FXR2: variants seen among roughly 807,000 people sequenced by gnomAD.
FXR2 encodes RNA-binding protein FXR2.
FXR2 carries 9 observed loss-of-function variants against 87.3 expected under a neutral mutation model. That is an observed-to-expected ratio of 0.10 (90% CI 0.06 to 0.18). The LOEUF is 0.18. Among genes scored for constraint, FXR2 ranks in the 10% least tolerant of loss-of-function variants. FXR2 has a pLI of 1.00. For synonymous variants in FXR2, 331 were observed against 328.3 expected, an observed-to-expected ratio of 1.01 and a Z score of -0.09; for missense variants, 661 against 893.6, an observed-to-expected ratio of 0.74 and a Z score of 3.32.
chr17:7,592,513 G>T lies in FXR2; in HGVS notation c.1816C>A (p.Arg606Ser). Residue 606 changes from arginine to serine, a missense_variant, in exon 15 of 17, where the codon CGC (arginine) becomes AGC (serine). Arg to Ser is a moderately radical substitution (Grantham distance 110). This residue lies in a region of FXR2 where 409 missense variants were observed against 432.0 expected (regional missense o/e 0.95). Coordinates refer to ENST00000250113, the MANE Select transcript of FXR2 (RefSeq NM_004860.4). This position sits in a 1 kb window ranked among gnomAD's most constrained non-coding sequence, Gnocchi z 4.8. ...NRTDGSISGD[R>S]QPVTVADYIS... Reference sequence around the variant, plus strand: ...TCCAGAGTTGGCTGACCTGGCTGGCGGTCTCCACTGATAGAGCCATCAGTC... The same window carrying T: ...TCCAGAGTTGGCTGACCTGGCTGGCTGTCTCCACTGATAGAGCCATCAGTC... 2 of 1,613,784 alleles carry T rather than the reference G, an allele frequency of 1.2e-6. No individual in the cohort carries two copies. Among genetic ancestry groups the T allele is most frequent in the Non-Finnish European group, 1.7e-6 (2 of 1,179,696 alleles).
rs758498614 is a variant in FXR2, at chr17:7,594,027, G to A, written c.1021-23C>T. 1.7e-5 allele frequency: 24 copies of A among 1,452,114 alleles called. No homozygotes were observed. In the South Asian group the frequency reaches 2.4e-4, roughly 14 times the overall value. The allele number at this position is 1,452,114 out of a possible 1,614,324, so 90.0% of individuals were successfully genotyped here. On this transcript the variant is annotated intron_variant, in intron 10 of 16. Transcript: ENST00000250113. This position sits in a 1 kb window ranked among gnomAD's most constrained non-coding sequence, Gnocchi z 5.1. ...TCCCTAGAGAACAGAGAGCAGAAAC[G>A]ATGGATCAGAAAGGAAAATGAAATG...
At chr17:7,597,429 T>TCTA (rs2150942037) in intron 7 of FXR2, among the ~76,000 whole-genome samples, 1 of 151,906 alleles carries the variant, frequency 6.6e-6, no homozygotes, top group East Asian at 1.9e-4. Context: ...GGGGAAGAGA[T>TCTA]CTACAATGAC....
In FXR2 at chr17:7,592,809, G is replaced by T. The variant is rs560322755; in HGVS notation, c.1614C>A (p.Pro538=). 13 of 1,613,262 alleles carry T rather than the reference G, an allele frequency of 8.1e-6. No homozygotes were observed. The highest frequency in any genetic ancestry group is 3.3e-5 in the Admixed American group (2 of 59,908). The change falls in exon 14 of 17, where the codon CCC becomes CCA. Residue 538 remains proline, a synonymous_variant. Coordinates refer to ENST00000250113, the MANE Select transcript of FXR2 (RefSeq NM_004860.4). The surrounding 1 kb of genome is among the most constrained non-coding windows in gnomAD (Gnocchi z 4.8). ...GGCGGCGCCTGGCACTTGCTGGGGG[G>T]GGTTCCCCAGGTTCTGAATCAACCG... is the stretch of plus-strand genomic sequence containing the variant. ...EPPVDSEPGE[P]PPASARRRRS...
intron 1 of FXR2, chr17:7,614,214 A>G: frequency 1.5e-6 from 1 of 680,900 alleles, no homozygotes. Context: ...AATGGCCTGA[A>G]GTTCATTCTC....
rs768030074 is a variant in FXR2 at position 7,593,439 on chromosome 17, GGCCCCCATAGCT to G, written c.1282_1293del (p.Ser428_Gly431del). On this transcript the variant is annotated inframe_deletion, in exon 12 of 17. Coordinates refer to ENST00000250113, the MANE Select transcript of FXR2 (RefSeq NM_004860.4). This position sits in a 1 kb window ranked among gnomAD's most constrained non-coding sequence, Gnocchi z 6.1. ...CCGCCTGTCCTCCGGCCACGGCCAC[GGCCCCCATAGCT>G]GCCCCCATAGGTTCGAGTCGCATGG... 1.8e-5 allele frequency: 29 copies of G among 1,585,394 alleles called. No individual in the cohort carries two copies. In the East Asian group the frequency reaches 4.1e-4, roughly 23 times the overall value.
chr17:7,595,731 A>G lies in FXR2; in HGVS notation c.831+93T>C. 1 of 973,488 alleles carries G rather than the reference A, an allele frequency of 1.0e-6. No homozygotes were observed. The highest frequency in any genetic ancestry group is 1.6e-6 in the Non-Finnish European group (1 of 638,626). The allele number at this position is 973,488 out of a possible 1,614,324, so 60.3% of individuals were successfully genotyped here. A position where few individuals can be genotyped will look rare whatever the true frequency, so the allele number is the denominator to read the frequency against. On this transcript the variant is annotated intron_variant, in intron 8 of 16. Transcript: ENST00000250113. This position sits in a 1 kb window ranked among gnomAD's most constrained non-coding sequence, Gnocchi z 4.7. ...CGAAGGTGCTGGGATTACAGGTGTG[A>G]GCCACTGTGCCCAGTTTGAGGCTTA... is the stretch of plus-strand genomic sequence containing the variant.
rs1370993550 is a variant in FXR2 at position 7,592,522 on chromosome 17, T to C, written c.1807A>G (p.Ser603Gly). Residue 603 changes from serine (S) to glycine (G), a missense_variant, in exon 15 of 17, where the codon AGT becomes GGT. Transcript: ENST00000250113. This position sits in a 1 kb window ranked among gnomAD's most constrained non-coding sequence, Gnocchi z 4.8. ...NRGNRTDGSI[S>G]GDRQPVTVAD... The stretch of plus-strand genomic sequence containing the variant: ...GGCTGACCTGGCTGGCGGTCTCCAC[T>C]GATAGAGCCATCAGTCCGATTACCA... 3 of 1,613,866 alleles carry C rather than the reference T, an allele frequency of 1.9e-6. No individual in the cohort carries two copies. Among genetic ancestry groups the C allele is most frequent in the Non-Finnish European group, 2.5e-6 (3 of 1,179,852 alleles).
chr17:7,600,303 A>T (rs1040326925), intron 7 of FXR2, among the ~76,000 whole-genome samples: 1 of 151,992 alleles, frequency 6.6e-6, no homozygotes, highest in Non-Finnish European at 1.5e-5. Context: ...GGTTCAAGCG[A>T]TTCTCCTGCC....
At chr17:7,612,775 T>A (rs1324143744) in intron 1 of FXR2, among the ~76,000 whole-genome samples, 1 of 151,608 alleles carries the variant, frequency 6.6e-6, no homozygotes, top group Non-Finnish European at 1.5e-5. Context: ...AGCAGGTGGA[T>A]CACTAGGTCA....
At chr17:7,611,561 G>A (rs947356213) in intron 1 of FXR2, among the ~76,000 whole-genome samples, 2 of 152,076 alleles carry the variant, frequency 1.3e-5, no homozygotes, top group South Asian at 2.1e-4. Flanking sequence ...CCAGCTACTC[G>A]GGAGGCTGAG....
rs1043680071 is a variant in FXR2 at position 7,602,993 on chromosome 17, A to G, written c.459T>C (p.Asn153=). 1.3e-6 allele frequency: 2 copies of G among 1,565,390 alleles called. No individual in the cohort carries two copies. The highest frequency in any genetic ancestry group is 2.7e-5 in the African/African-American group (2 of 74,040). ...TCTTGAACTCTTTATGGACGTTTTC[A>G]TTGGAGCAGCTGCAGAGGAAAAAAG... is the stretch of plus-strand genomic sequence containing the variant. ...VPEDLREACS[N]ENVHKEFKKA... The change falls in exon 6 of 17, where the codon AAT becomes AAC. Residue 153 remains asparagine (N), a synonymous_variant. Transcript: ENST00000250113.
In FXR2 at chr17:7,593,820, C is replaced by T. The variant is rs2071686999; in HGVS notation, c.1107+98G>A. ...TTCCACAGATGTTTTCTGTTCTACACGGAGAGACAAACAGAGAACCAAAAT... is the reference window on the plus strand; with the variant it reads ...TTCCACAGATGTTTTCTGTTCTACATGGAGAGACAAACAGAGAACCAAAAT... On this transcript the variant is annotated intron_variant, in intron 11 of 16. Transcript: ENST00000250113. This position sits in a 1 kb window ranked among gnomAD's most constrained non-coding sequence, Gnocchi z 6.1. 4.5e-6 allele frequency: 4 copies of T among 896,678 alleles called. No individual in the cohort carries two copies. The highest frequency in any genetic ancestry group is 1.6e-5 in the African/African-American group (1 of 60,732). 55.5% of individuals were successfully genotyped at this position (896,678 alleles called of 1,614,324 possible).
chr17:7,601,579 G>C (rs766712760), intron 6 of FXR2, 54 bp from the exon 7 acceptor site: 58 of 1,002,504 alleles, frequency 5.8e-5, no homozygotes, highest in Non-Finnish European at 8.9e-5. Context: ...TAAACACTAA[G>C]GGAGAGCCAG....
chr17:7,606,246 G>C (rs1432194198), intron 1 of FXR2, 97 bp from the exon 2 acceptor site: 1 of 777,126 alleles, frequency 1.3e-6, no homozygotes, highest in East Asian at 2.7e-5. Flanking sequence ...CCTTAAACTT[G>C]AGTTTTAGAT....
chr17:7,595,183 G>T lies in FXR2; in HGVS notation c.832-426C>A, dbSNP rs554257663. Among the ~76,000 whole-genome samples, 2 of 151,850 alleles carry T rather than the reference G, an allele frequency of 1.3e-5. No homozygotes were observed. Among genetic ancestry groups the T allele is most frequent in the African/African-American group, 2.4e-5 (1 of 41,330 alleles). On this transcript the variant is annotated intron_variant, in intron 8 of 16. Transcript: ENST00000250113. The surrounding 1 kb of genome is among the most constrained non-coding windows in gnomAD (Gnocchi z 4.7). ...ACAGAGGACCTTGGCCAGGCACAGC[G>T]GCTCACACCCATAATCTCAACAGTT...
At chr17:7,597,705 G>C (rs942872974) in intron 7 of FXR2, among the ~76,000 whole-genome samples, 1 of 152,074 alleles carries the variant, frequency 6.6e-6, no homozygotes, top group Non-Finnish European at 1.5e-5. Context: ...CGCTGCACCC[G>C]GCCCCTTTCC....
rs936843593 is a variant in FXR2 at position 7,605,738 on chromosome 17, G to A, written c.135C>T (p.Asn45=). 3.3e-6 allele frequency: 5 copies of A among 1,522,580 alleles called. No individual in the cohort carries two copies. The highest frequency in any genetic ancestry group is 4.5e-6 in the Non-Finnish European group (5 of 1,100,500). 94.3% of individuals were successfully genotyped at this position (1,522,580 alleles called of 1,614,324 possible). A position where few individuals can be genotyped will look rare whatever the true frequency, so the allele number is the denominator to read the frequency against. Residue 45 remains asparagine (N), a splice_region_variant and synonymous_variant, in exon 3 of 17, where the codon AAC becomes AAT. Coordinates refer to ENST00000250113, the MANE Select transcript of FXR2 (RefSeq NM_004860.4). The part of the protein sequence containing the change: ...EDSVTIFFEN[N]WQSERQIPFG... The stretch of plus-strand genomic sequence containing the variant: ...AAGGAATTTGTCTCTCACTCTGCCA[G>A]CTATAATAGAAACAATAATATGAAA...
At chr17:7,596,223 T>C (rs1012450376) in intron 7 of FXR2, 4 of 410,394 alleles carry the variant, frequency 9.7e-6, no homozygotes, top group African/African-American at 2.0e-5. Flanking sequence ...AGTGGCGCGA[T>C]CTCAGCTCAC....
At chr17:7,607,181 G>A (rs544376226) in intron 1 of FXR2, among the ~76,000 whole-genome samples, 1 of 152,040 alleles carries the variant, frequency 6.6e-6, no homozygotes, top group East Asian at 1.9e-4. Flanking sequence ...AGCCAGGTGT[G>A]GTGGTGCATG....
Sources: allele counts gnomAD v4.1 joint callset (sites outside exome capture counted in the v4.1 genomes callset), GRCh38; gene constraint gnomAD v4.1.1; regional missense constraint gnomAD v4.1.1; non-coding constraint Gnocchi (gnomAD v3.1); transcripts MANE v1.5; gene names NCBI Gene and HGNC (gene_info 2026-07-23, HGNC 2026-07-21).